Variants in DNAJA2 observed in about 807,000 individuals in gnomAD.
The protein encoded by DNAJA2 is DnaJ heat shock protein family (Hsp40) member A2.
In DNAJA2, 6 loss-of-function variants were observed where a neutral mutation model predicts 49.3. The ratio of observed to expected loss-of-function variants is 0.12; its 90% CI spans 0.07 to 0.24. The LOEUF (loss-of-function observed/expected upper bound fraction) is 0.24. DNAJA2 is among the 10% of genes least tolerant of loss of function. The probability of loss-of-function intolerance (pLI) is 1.00; values close to 1 mark genes in which losing one functional copy is unlikely to be tolerated. For synonymous variants in DNAJA2, 160 were observed against 172.7 expected, an observed-to-expected ratio of 0.93 and a Z score of 0.58; for missense variants, 347 against 516.8, an observed-to-expected ratio of 0.67 and a Z score of 3.19.
chr16:46,969,037 A>C (rs1410490778), intron 3 of DNAJA2, among the ~76,000 whole-genome samples: 1 of 152,152 alleles, frequency 6.6e-6, no homozygotes. Context: ...ACAGAGTGAG[A>C]CAAGTACTTA....
intron 2 of DNAJA2, 146 bp from the exon 3 acceptor site, chr16:46,971,718 C>G (rs1962052267): frequency 2.5e-6 from 2 of 805,626 alleles, no homozygotes; most frequent in Non-Finnish European, 3.9e-6. Context: ...CTATTTACCA[C>G]CCACCGCTCC....
chr16:46,966,586 CTA>C (rs1452403844), intron 5 of DNAJA2, among the ~76,000 whole-genome samples: 1 of 152,190 alleles, frequency 6.6e-6, no homozygotes, highest in Admixed American at 6.5e-5. Flanking sequence ...GTGGGAGGAG[CTA>C]TGTGTTTTTA....
At chr16:46,963,352 C>A (rs1185894970) in intron 6 of DNAJA2, among the ~76,000 whole-genome samples, 1 of 151,934 alleles carries the variant, frequency 6.6e-6, no homozygotes, top group Non-Finnish European at 1.5e-5. Flanking sequence ...TAAAAATATA[C>A]AAGTGCAATG....
intron 3 of DNAJA2, among the ~76,000 whole-genome samples, chr16:46,970,568 C>T (rs55904093): frequency 6.6e-6 from 1 of 151,084 alleles, no homozygotes; most frequent in African/African-American, 2.4e-5. Context: ...AACCCTGTCT[C>T]TACTAAAAAA....
chr16:46,963,514 C>CAAA (rs202162145), intron 6 of DNAJA2, among the ~76,000 whole-genome samples: 1 of 105,076 alleles, frequency 9.5e-6, no homozygotes, highest in African/African-American at 3.4e-5. Context: ...ACTAAAAATA[C>CAAA]AAAAAAAAAA....
chr16:46,967,852 T>C (rs1243031812), intron 4 of DNAJA2, among the ~76,000 whole-genome samples: 1 of 152,150 alleles, frequency 6.6e-6, no homozygotes, highest in Admixed American at 6.5e-5. Flanking sequence ...CAGGCTGGAG[T>C]GCAGTGGCGC....
chr16:46,958,748 C>A, intron 8 of DNAJA2: 1 of 343,436 alleles, frequency 2.9e-6, no homozygotes, highest in Non-Finnish European at 5.3e-6. Context: ...CACTGCACTC[C>A]AGCTTGGGTG....
chr16:46,960,998 T>G (rs1456986469), intron 6 of DNAJA2, among the ~76,000 whole-genome samples: 1 of 146,824 alleles, frequency 6.8e-6, no homozygotes, highest in African/African-American at 2.5e-5. Flanking sequence ...CAGAAGGACA[T>G]CCTGTCTCTT....
chr16:46,966,656 C>T (rs1961975858), intron 5 of DNAJA2, among the ~76,000 whole-genome samples: 1 of 152,154 alleles, frequency 6.6e-6, no homozygotes, highest in Non-Finnish European at 1.5e-5. Context: ...CATAAAAGCA[C>T]TAAAAGGTCA....
chr16:46,971,272 A>AT (rs1375335051), intron 3 of DNAJA2, 77 bp downstream of exon 3: 1 of 1,303,416 alleles, frequency 7.7e-7, no homozygotes. Context: ...ACTCTATGAG[A>AT]TTTTTCATCT....
At chr16:46,973,014 G>T (rs1962079017) in intron 1 of DNAJA2, 2 of 152,122 alleles carry the variant, frequency 1.3e-5, no homozygotes, top group Admixed American at 1.3e-4. Flanking sequence ...CGCTCTGTGG[G>T]GGCGGCCTCG....
Position 46,958,929 on chromosome 16 carries a change from G to T in DNAJA2, c.1047+74C>A. 8 of 1,506,412 alleles carry T rather than the reference G, an allele frequency of 5.3e-6. No individual in the cohort carries two copies. In the South Asian group the frequency reaches 1.1e-4, roughly 20 times the overall value. 93.3% of individuals were successfully genotyped at this position (1,506,412 alleles called of 1,614,324 possible). On this transcript the variant is annotated intron_variant, in intron 8 of 8. Coordinates refer to ENST00000317089, the MANE Select transcript of DNAJA2 (RefSeq NM_005880.4). ...ACTACACCCCAGCCTGGGTGACAGA[G>T]ACCCTGTCTAAAAAACCAAAAACCG...
intron 8 of DNAJA2, among the ~76,000 whole-genome samples, chr16:46,957,591 A>G (rs1283682206): frequency 7.7e-6 from 1 of 129,614 alleles, no homozygotes; most frequent in Non-Finnish European, 1.7e-5. Context: ...TGACAGAGCA[A>G]GACTCCATCT....
chr16:46,964,909 C>T, intron 5 of DNAJA2, 102 bp from the exon 6 acceptor site: 1 of 1,016,476 alleles, frequency 9.8e-7, no homozygotes. Context: ...TAATCACTAC[C>T]TAAATTTTTA....
chr16:46,968,480 G>A (rs902777859), intron 3 of DNAJA2, among the ~76,000 whole-genome samples: 1 of 152,184 alleles, frequency 6.6e-6, no homozygotes, highest in Admixed American at 6.5e-5. Flanking sequence ...CTTCTGTTCT[G>A]AGGCATAAGC....
At chr16:46,966,246 T>A (rs1043053607) in intron 5 of DNAJA2, among the ~76,000 whole-genome samples, 12 of 152,008 alleles carry the variant, frequency 7.9e-5, no homozygotes, top group African/African-American at 2.7e-4. Flanking sequence ...AATAATAATT[T>A]AAAAAAATAA....
Position 46,959,145 on chromosome 16 carries a change from G to GA in DNAJA2, c.920-16dup. 1 of 1,586,710 alleles carries GA rather than the reference G, an allele frequency of 6.3e-7. No homozygotes were observed. The highest frequency in any genetic ancestry group is 1.1e-5 in the South Asian group (1 of 87,068). ...ACGAACACACCCTATTATTTAAGAG[G>GA]AAATGATTAATAATTTTACCCAAAA... On this transcript the variant is annotated splice_polypyrimidine_tract_variant and intron_variant, in intron 7 of 8. Transcript: ENST00000317089.
At position 46,957,157 on chromosome 16, in the gene DNAJA2, C is replaced by A. The variant is rs1214828452; in HGVS notation, c.1111G>T (p.Val371Leu). 11 of 1,614,056 alleles carry A rather than the reference C, an allele frequency of 6.8e-6. No individual in the cohort carries two copies. The highest frequency in any genetic ancestry group is 8.5e-6 in the Non-Finnish European group (10 of 1,180,022). Residue 371 changes from valine (V) to leucine (L), a missense_variant, in exon 9 of 9, where the codon GTA becomes TTA. Val to Leu is a conservative substitution (Grantham distance 32, BLOSUM62 1). Transcript: ENST00000317089. ...VPNIIGETEE[V>L]ELQEFDSTRG... Reference sequence around the variant, plus strand: ...GTGCTATCAAATTCCTGAAGCTCTACCTCCTCTGTTTCTCCAATTATGTTA... The same window carrying A: ...GTGCTATCAAATTCCTGAAGCTCTAACTCCTCTGTTTCTCCAATTATGTTA...
intron 5 of DNAJA2, among the ~76,000 whole-genome samples, chr16:46,966,870 T>G (rs1260470269): frequency 6.6e-6 from 1 of 152,208 alleles, no homozygotes; most frequent in African/African-American, 2.4e-5. Flanking sequence ...TAAAAGGTTC[T>G]ATGTGATAAA....
Sources: gnomAD v4.1 joint callset for allele counts (sites outside exome capture counted in the v4.1 genomes callset) on GRCh38, gnomAD v4.1.1 for gene constraint, MANE v1.5 for transcripts, NCBI Gene and HGNC (gene_info 2026-07-23, HGNC 2026-07-21) for gene names.